Variants in MARCHF1 observed in about 807,000 individuals in gnomAD.
MARCHF1 encodes the protein E3 ubiquitin-protein ligase MARCHF1.
Under a neutral mutation model 54.2 loss-of-function variants are expected in MARCHF1, and 40 were observed. The observed-to-expected ratio is 0.74, with a 90% CI of 0.57 to 0.96. The LOEUF (loss-of-function observed/expected upper bound fraction) is 0.96. MARCHF1 is among the 40% of genes least tolerant of loss of function. The probability of loss-of-function intolerance (pLI) is 0.00; values close to 1 mark genes in which losing one functional copy is unlikely to be tolerated. For synonymous variants in MARCHF1, 236 were observed against 236.3 expected (o/e 1.00, Z 0.01); for missense variants, 586 against 656.5 (o/e 0.89, Z 1.17).
At chr4:164,005,727 A>G (rs935004412) in intron 2 of MARCHF1, among the ~76,000 whole-genome samples, 1 of 152,152 alleles carries the variant, frequency 6.6e-6, no homozygotes, top group Admixed American at 6.5e-5. Flanking sequence ...CAGGCTTGGA[A>G]ACAATGCTCT....
intron 5 of MARCHF1, among the ~76,000 whole-genome samples, chr4:163,625,101 T>A (rs1199684168): frequency 6.6e-6 from 1 of 152,226 alleles, no homozygotes; most frequent in Non-Finnish European, 1.5e-5. Context: ...CAGCAAAACC[T>A]AGCTCATTTT....
At chr4:163,636,994 G>A (rs1272372753) in intron 5 of MARCHF1, among the ~76,000 whole-genome samples, 1 of 152,060 alleles carries the variant, frequency 6.6e-6, no homozygotes, top group Non-Finnish European at 1.5e-5. Flanking sequence ...AAGCAATGGG[G>A]AAAGGATTCC....
chr4:163,927,951 GTT>G (rs1165443342), intron 3 of MARCHF1, among the ~76,000 whole-genome samples: 1 of 151,748 alleles, frequency 6.6e-6, no homozygotes, highest in Non-Finnish European at 1.5e-5. Context: ...AAGGAATGAA[GTT>G]TGTACATTTT....
At chr4:163,548,643 A>G (rs915216460) in intron 8 of MARCHF1, among the ~76,000 whole-genome samples, 2 of 152,224 alleles carry the variant, frequency 1.3e-5, no homozygotes, top group African/African-American at 2.4e-5. Context: ...GAAACTCACT[A>G]GACAGCACAC....
intron 3 of MARCHF1, among the ~76,000 whole-genome samples, chr4:163,859,540 T>C (rs1048785132): frequency 3.3e-5 from 5 of 152,092 alleles, no homozygotes; most frequent in Non-Finnish European, 5.9e-5. Flanking sequence ...TTTGGATTTT[T>C]AGTAGAGACA....
At chr4:164,189,943 T>A in intron 1 of MARCHF1, 3 of 1,557,764 alleles carry the variant, frequency 1.9e-6, no homozygotes. Flanking sequence ...AAAAATAAGA[T>A]CACAATTACC....
At chr4:163,896,642 T>A (rs1194982726) in intron 3 of MARCHF1, among the ~76,000 whole-genome samples, 3 of 152,212 alleles carry the variant, frequency 2.0e-5, no homozygotes, top group Admixed American at 6.5e-5. Flanking sequence ...GTTTGAAACA[T>A]AGTTGGCAGA....
intron 1 of MARCHF1, among the ~76,000 whole-genome samples, chr4:164,176,974 C>CTATATATATATA (rs1382575137): frequency 6.7e-5 from 2 of 29,972 alleles, no homozygotes. Context: ...CTCTCTCTCT[C>CTATATATATATA]TCTCTCTATA....
intron 1 of MARCHF1, among the ~76,000 whole-genome samples, chr4:164,258,387 A>ATAATAATAAT (rs1409590316): frequency 2.0e-5 from 2 of 98,170 alleles, no homozygotes; most frequent in African/African-American, 1.2e-4. Flanking sequence ...CCCAGAACTT[A>ATAATAATAAT]AAGTATAATA....
intron 1 of MARCHF1, among the ~76,000 whole-genome samples, chr4:164,236,456 T>G (rs184716146): frequency 1.7e-3 from 256 of 152,184 alleles, no homozygotes; most frequent in Non-Finnish European, 2.9e-3. Context: ...GACAGCACTT[T>G]GGCACTACGA....
chr4:163,968,066 A>T (rs2110830520), intron 3 of MARCHF1, among the ~76,000 whole-genome samples: 1 of 152,322 alleles, frequency 6.6e-6, no homozygotes, highest in African/African-American at 2.4e-5. Context: ...GAATTCATAA[A>T]AATTTCCCCT....
chr4:164,315,208 T>C (rs1472711013), intron 1 of MARCHF1, among the ~76,000 whole-genome samples: 1 of 148,630 alleles, frequency 6.7e-6, no homozygotes, highest in East Asian at 2.0e-4. Context: ...ACTTTAGCTT[T>C]CTTCTGTATT....
At chr4:164,142,226 G>A (rs1032552144) in intron 1 of MARCHF1, among the ~76,000 whole-genome samples, 1 of 152,182 alleles carries the variant, frequency 6.6e-6, no homozygotes, top group Admixed American at 6.5e-5. Context: ...AAACTGCAAG[G>A]CCGCAGCCAG....
In MARCHF1 at chr4:163,533,052, C is replaced by CA. The variant is rs1378748024; in HGVS notation, c.1340-4007dup. Among the ~76,000 whole-genome samples, 3 of 151,868 alleles carry CA rather than the reference C, an allele frequency of 2.0e-5. 1 individual carries two copies. Among genetic ancestry groups the CA allele is most frequent in the African/African-American group, 7.2e-5 (3 of 41,380 alleles). ...TTACGTCCACACAAAAACCTGCACA[C>CA]AAATGTTTGTAGCAGCTTTATTCAT... On this transcript the variant is annotated intron_variant, in intron 9 of 9. Coordinates refer to ENST00000514618, the MANE Select transcript of MARCHF1 (RefSeq NM_001394959.1).
In MARCHF1 at chr4:163,967,445, G is replaced by C. The variant is rs1752465012; in HGVS notation, c.-39+21056C>G. 2.6e-5 allele frequency among the ~76,000 whole-genome samples: 4 copies of C among 152,230 alleles called. No homozygotes were observed. The South Asian group carries it at 8.3e-4, about 32-fold the overall frequency. ...GTTTTAAGAAAGGCAAATCACTTTG[G>C]CAATTTGCATAACTAGCCCAGTCAA... On this transcript the variant is annotated intron_variant, in intron 3 of 9. Transcript: ENST00000514618.
intron 4 of MARCHF1, among the ~76,000 whole-genome samples, chr4:163,813,607 C>A (rs1334178356): frequency 6.6e-6 from 1 of 152,148 alleles, no homozygotes; most frequent in African/African-American, 2.4e-5. Flanking sequence ...AAATTACCTT[C>A]ATTTACTGAA....
At chr4:163,760,753 C>A (rs999482413) in intron 4 of MARCHF1, among the ~76,000 whole-genome samples, 1 of 152,198 alleles carries the variant, frequency 6.6e-6, no homozygotes, top group South Asian at 2.1e-4. Context: ...AAATTCCCTG[C>A]GCTCTTATTT....
intron 5 of MARCHF1, among the ~76,000 whole-genome samples, chr4:163,692,512 G>A (rs1245109847): frequency 6.6e-6 from 1 of 152,186 alleles, no homozygotes; most frequent in Admixed American, 6.5e-5. Flanking sequence ...GGAAGTCAGT[G>A]TGTCTGGACA....
intron 1 of MARCHF1, among the ~76,000 whole-genome samples, chr4:164,157,763 G>A (rs1730116211): frequency 6.6e-6 from 1 of 152,060 alleles, no homozygotes; most frequent in African/African-American, 2.4e-5. Flanking sequence ...ACTGGATTAG[G>A]AGCCCACTCT....
Sources: allele counts gnomAD v4.1 joint callset (sites outside exome capture counted in the v4.1 genomes callset), GRCh38; gene constraint gnomAD v4.1.1; transcripts MANE v1.5; gene names NCBI Gene and HGNC (gene_info 2026-07-23, HGNC 2026-07-21).